PDZRN3: variants seen among roughly 807,000 people sequenced by gnomAD.
PDZRN3 encodes PDZ domain containing ring finger 3.
PDZRN3 carries 38 observed loss-of-function variants against 85.7 expected under a neutral mutation model. The ratio of observed to expected loss-of-function variants is 0.44; its 90% CI spans 0.34 to 0.58. The LOEUF (loss-of-function observed/expected upper bound fraction) is 0.58, where lower values mean the gene tolerates loss of function less well. Ranked by LOEUF, PDZRN3 falls within the 20% of genes least tolerant of loss-of-function variation. The pLI is 0.01. For synonymous variants in PDZRN3, 759 were observed against 638.0 expected, an observed-to-expected ratio of 1.19 and a Z score of -2.86; for missense variants, 1,629 against 1,506.4, an observed-to-expected ratio of 1.08 and a Z score of -1.35.
chr3:73,421,909 A>T (rs1702211615), intron 3 of PDZRN3, among the ~76,000 whole-genome samples: 1 of 152,114 alleles, frequency 6.6e-6, no homozygotes, highest in Non-Finnish European at 1.5e-5. Flanking sequence ...AGCCTCCCAA[A>T]GTGCTGGGAT....
chr3:73,570,881 T>A (rs1045986696), intron 3 of PDZRN3, among the ~76,000 whole-genome samples: 4 of 152,172 alleles, frequency 2.6e-5, no homozygotes, highest in African/African-American at 9.7e-5. Flanking sequence ...AGGTATTAGT[T>A]TTATTCTTGC....
At chr3:73,536,900 G>C (rs1184231558) in intron 3 of PDZRN3, among the ~76,000 whole-genome samples, 1 of 152,164 alleles carries the variant, frequency 6.6e-6, no homozygotes, top group East Asian at 1.9e-4. Flanking sequence ...CTCCTGTATT[G>C]CAAGAGTTGT....
intron 1 of PDZRN3, among the ~76,000 whole-genome samples, chr3:73,619,302 G>T (rs920371296): frequency 2.0e-5 from 3 of 152,306 alleles, no homozygotes; most frequent in Non-Finnish European, 4.4e-5. Context: ...CATGGCAATG[G>T]ATTAGTGCCA....
At chr3:73,492,890 T>A (rs1703797096) in intron 3 of PDZRN3, among the ~76,000 whole-genome samples, 1 of 151,428 alleles carries the variant, frequency 6.6e-6, no homozygotes, top group Admixed American at 6.6e-5. Context: ...ATGTACCACA[T>A]AAATATGTAC....
chr3:73,491,349 C>T (rs1575687978), intron 3 of PDZRN3, among the ~76,000 whole-genome samples: 1 of 152,164 alleles, frequency 6.6e-6, no homozygotes, highest in African/African-American at 2.4e-5. Context: ...ATCTTGATAT[C>T]TGAATGCTTT....
rs971093264 is a variant in PDZRN3, at chr3:73,502,617, A to G, written c.919-98222T>C. Among the ~76,000 whole-genome samples, 6 of 152,308 alleles carry G rather than the reference A, an allele frequency of 3.9e-5. No homozygotes were observed. In the South Asian group the frequency reaches 8.3e-4, roughly 21 times the overall value. On this transcript the variant is annotated intron_variant, in intron 3 of 9. Coordinates refer to ENST00000263666, the MANE Select transcript of PDZRN3 (RefSeq NM_015009.3). ...GTGGTCAGAATTCCTATTTTATGGT[A>G]TGCTATGTTCTGAGACTGGCAGCTC...
At chr3:73,485,872 A>C (rs1703651849) in intron 3 of PDZRN3, among the ~76,000 whole-genome samples, 1 of 152,222 alleles carries the variant, frequency 6.6e-6, no homozygotes, top group Non-Finnish European at 1.5e-5. Flanking sequence ...AAAGATGATA[A>C]AAACCTCTAA....
Position 73,391,098 on chromosome 3 carries a change from T to A in PDZRN3, c.1273A>T (p.Met425Leu). Reference protein sequence around the residue: ...LELEEVDLYRMNSQDKLGLTV... With the variant: ...LELEEVDLYRLNSQDKLGLTV... ...AGGCCCAGCTTGTCCTGGCTGTTCA[T>A]TCTGTAGAGGTCCACTTCCTAGACA... is the stretch of plus-strand genomic sequence containing the variant. Residue 425 changes from methionine to leucine, a missense_variant, in exon 6 of 10, where the codon ATG (methionine) becomes TTG (leucine). Transcript: ENST00000263666. 1 of 1,613,256 alleles carries A rather than the reference T, an allele frequency of 6.2e-7. No individual in the cohort carries two copies.
chr3:73,465,304 A>T (rs1193173165), intron 3 of PDZRN3, among the ~76,000 whole-genome samples: 1 of 152,110 alleles, frequency 6.6e-6, no homozygotes, highest in Non-Finnish European at 1.5e-5. Context: ...TTGAATCTCC[A>T]TCTCTCCTCC....
chr3:73,489,007 T>C (rs1207418561), intron 3 of PDZRN3, among the ~76,000 whole-genome samples: 1 of 152,210 alleles, frequency 6.6e-6, no homozygotes, highest in Non-Finnish European at 1.5e-5. Context: ...TCCTGGCACA[T>C]TGGTTGCCAT....
intron 3 of PDZRN3, among the ~76,000 whole-genome samples, chr3:73,428,233 C>T (rs926346805): frequency 6.6e-6 from 1 of 151,926 alleles, no homozygotes; most frequent in African/African-American, 2.4e-5. Context: ...GTGAGCACCT[C>T]GGTTCTCAGC....
chr3:73,520,683 C>G (rs538604159), intron 3 of PDZRN3, among the ~76,000 whole-genome samples: 1 of 151,990 alleles, frequency 6.6e-6, no homozygotes, highest in Non-Finnish European at 1.5e-5. Flanking sequence ...ACATTACATG[C>G]GTGTCTGTAC....
chr3:73,575,220 A>G (rs1438966055), intron 3 of PDZRN3, among the ~76,000 whole-genome samples: 1 of 152,196 alleles, frequency 6.6e-6, no homozygotes, highest in Non-Finnish European at 1.5e-5. Flanking sequence ...AAGTTCACAA[A>G]TAACTATAGA....
At chr3:73,444,400 A>C (rs1028733962) in intron 3 of PDZRN3, among the ~76,000 whole-genome samples, 18 of 152,188 alleles carry the variant, frequency 1.2e-4, no homozygotes, top group African/African-American at 3.6e-4. Flanking sequence ...TGTTATGCTA[A>C]GTGTCTAGGA....
rs753850622 is a variant in PDZRN3, at chr3:73,384,401, T to C, written c.2165A>G (p.His722Arg). The change falls in exon 10 of 10, where the codon CAC becomes CGC. Residue 722 changes from histidine (H) to arginine (R), a missense_variant. Transcript: ENST00000263666. ...KEQYRESWML[H>R]NSGFRNYNTS... The stretch of plus-strand genomic sequence containing the variant: ...GTTGTAGTTGCGGAAGCCGCTGTTG[T>C]GCAGCATCCAGGACTCGCGGTACTG... 10 of 1,609,854 alleles carry C rather than the reference T, an allele frequency of 6.2e-6. No homozygotes were observed. Among genetic ancestry groups the C allele is most frequent in the Middle Eastern group, 1.7e-4 (1 of 6,060 alleles).
chr3:73,383,888 A>G lies in PDZRN3; in HGVS notation c.2678T>C (p.Val893Ala). 1.2e-6 allele frequency: 2 copies of G among 1,613,052 alleles called. No homozygotes were observed. Among genetic ancestry groups the G allele is most frequent in the South Asian group, 2.2e-5 (2 of 90,976 alleles). ...GCTCATCTGGCTTTGCGCGTACTCC[A>G]CGGCCGACTTCTGCTGGATCAGCTG... is the stretch of plus-strand genomic sequence containing the variant. ...YMQLIQQKSA[V>A]EYAQSQMSLV... The change falls in exon 10 of 10, where the codon GTG becomes GCG. Residue 893 changes from valine to alanine, a missense_variant. Val to Ala is a moderately conservative substitution (Grantham distance 64). Coordinates refer to ENST00000263666, the MANE Select transcript of PDZRN3 (RefSeq NM_015009.3).
Position 73,473,074 on chromosome 3 carries a change from G to C in PDZRN3, c.919-68679C>G, listed in dbSNP as rs932138820. On this transcript the variant is annotated intron_variant, in intron 3 of 9. Coordinates refer to ENST00000263666, the MANE Select transcript of PDZRN3 (RefSeq NM_015009.3). ...GCCTTATCACTGAAGACAGTCCAAA[G>C]ATCCTAAGAGCCCCTAAAAGGAGTG... 3.3e-5 allele frequency among the ~76,000 whole-genome samples: 5 copies of C among 152,146 alleles called. No homozygotes were observed. The East Asian group carries it at 9.6e-4, about 29-fold the overall frequency.
chr3:73,429,394 G>A (rs953802151), intron 3 of PDZRN3, among the ~76,000 whole-genome samples: 6 of 152,276 alleles, frequency 3.9e-5, no homozygotes, highest in South Asian at 4.1e-4. Flanking sequence ...CCAATTAACC[G>A]TCATTAATTG....
At chr3:73,586,584 T>C (rs1365020254) in intron 3 of PDZRN3, among the ~76,000 whole-genome samples, 1 of 152,216 alleles carries the variant, frequency 6.6e-6, no homozygotes. Context: ...GATCTTTTCC[T>C]AACAAACTGC....
Sources: gnomAD v4.1 joint callset for allele counts (sites outside exome capture counted in the v4.1 genomes callset) on GRCh38, gnomAD v4.1.1 for gene constraint, MANE v1.5 for transcripts, NCBI Gene and HGNC (gene_info 2026-07-23, HGNC 2026-07-21) for gene names.